CNOT8: variants seen among roughly 807,000 people sequenced by gnomAD.
CNOT8 encodes CAF1-like protein.
In CNOT8, 18 loss-of-function variants were observed where a neutral mutation model predicts 34.6. That is an observed-to-expected ratio of 0.52 (90% CI 0.36 to 0.77). CNOT8 has a LOEUF of 0.77. Ranked by LOEUF, CNOT8 falls within the 30% of genes least tolerant of loss-of-function variation. The pLI is 0.00. For missense variants in CNOT8, 189 were observed against 347.9 expected, an observed-to-expected ratio of 0.54 and a Z score of 3.63; for synonymous variants, 101 against 118.8, an observed-to-expected ratio of 0.85 and a Z score of 0.98.
At position 154,858,644 on chromosome 5, in the gene CNOT8, G is replaced by C. The variant is rs1012846917; in HGVS notation, c.-197G>C. The C allele has an allele frequency of 2.6e-5, 4 of 152,194 alleles. No individual in the cohort carries two copies. The highest frequency in any genetic ancestry group is 1.3e-4 in the Admixed American group (2 of 15,282). The allele number at this position is 152,194 out of a possible 1,614,324, so 9.4% of individuals were successfully genotyped here. On this transcript the variant is annotated 5_prime_UTR_variant, in exon 1 of 7. Transcript: ENST00000285896. ...ACTGGCTCGTTCGGTTCTAGGAGCA[G>C]ATCCGGGGTAGAGGGAAAAGAGCTC...
intron 1 of CNOT8, chr5:154,859,963 A>T (rs1454369465): frequency 6.6e-6 from 1 of 152,220 alleles, no homozygotes; most frequent in South Asian, 2.1e-4. Context: ...CCGTGAGGCA[A>T]ACATTGTATG....
chr5:154,862,845 G>A (rs1347139073), intron 1 of CNOT8, among the ~76,000 whole-genome samples: 1 of 152,080 alleles, frequency 6.6e-6, no homozygotes. Context: ...CCATGATTTG[G>A]TCTCTGTGCA....
intron 3 of CNOT8, among the ~76,000 whole-genome samples, chr5:154,865,907 G>A (rs1219583517): frequency 6.6e-6 from 1 of 152,130 alleles, no homozygotes; most frequent in Non-Finnish European, 1.5e-5. Flanking sequence ...ACCGCATTTT[G>A]TTTATTCATC....
Position 154,875,331 on chromosome 5 carries a change from G to T in CNOT8, c.771G>T (p.Gly257=), listed in dbSNP as rs1201306979. ...EDSIDDAKYC[G]RLYGLGTGVA... ...GCATTGATGATGCCAAGTACTGTGG[G>T]CGGCTCTATGGCTTAGGCACAGGAG... is the stretch of plus-strand genomic sequence containing the variant. The change falls in exon 7 of 7, where the codon GGG becomes GGT. Residue 257 remains glycine (G), a synonymous_variant. Coordinates refer to ENST00000285896, the MANE Select transcript of CNOT8 (RefSeq NM_001301073.2). 2 of 1,614,152 alleles carry T rather than the reference G, an allele frequency of 1.2e-6. No homozygotes were observed. Among genetic ancestry groups the T allele is most frequent in the South Asian group, 2.2e-5 (2 of 91,078 alleles).
rs368181033 is a variant in CNOT8, at chr5:154,870,799, T to C, written c.450T>C (p.Asn150=). The C allele has an allele frequency of 8.0e-5, 129 of 1,613,674 alleles. No individual in the cohort carries two copies. Among genetic ancestry groups the C allele is most frequent in the Non-Finnish European group, 1.0e-4 (123 of 1,179,888 alleles). The change falls in exon 4 of 7, where the codon AAT becomes AAC. Residue 150 remains asparagine, a synonymous_variant. Coordinates refer to ENST00000285896, the MANE Select transcript of CNOT8 (RefSeq NM_001301073.2). The stretch of plus-strand genomic sequence containing the variant: ...CATCAGGAGTGGTTCTCTGTGACAA[T>C]GTCAAATGGCTTTCATTTCATAGGT... ...LMTSGVVLCD[N]VKWLSFHSGY...
intron 1 of CNOT8, among the ~76,000 whole-genome samples, chr5:154,862,033 T>G (rs1005545789): frequency 2.6e-5 from 4 of 152,164 alleles, no homozygotes; most frequent in African/African-American, 9.7e-5. Flanking sequence ...TGTACGTTGT[T>G]TGCCATAATA....
intron 6 of CNOT8, among the ~76,000 whole-genome samples, chr5:154,874,411 A>G (rs1471384405): frequency 1.3e-5 from 2 of 151,960 alleles, no homozygotes; most frequent in Admixed American, 1.3e-4. Flanking sequence ...ACCTGCCTCT[A>G]TTAAAAGTAC....
intron 3 of CNOT8, among the ~76,000 whole-genome samples, chr5:154,865,764 C>T (rs779131770): frequency 6.6e-6 from 1 of 152,294 alleles, no homozygotes; most frequent in Non-Finnish European, 1.5e-5. Context: ...TCATACATTG[C>T]TGCTGGGAAT....
chr5:154,869,130 T>G (rs1381034857), intron 3 of CNOT8, among the ~76,000 whole-genome samples: 1 of 152,118 alleles, frequency 6.6e-6, no homozygotes, highest in Non-Finnish European at 1.5e-5. Context: ...GTTTATTTTT[T>G]TTTTTTGAGA....
chr5:154,861,698 T>C (rs1280106872), intron 1 of CNOT8, among the ~76,000 whole-genome samples: 1 of 152,164 alleles, frequency 6.6e-6, no homozygotes, highest in Non-Finnish European at 1.5e-5. Flanking sequence ...AGCTCTTTTT[T>C]GTTTGTTTGT....
chr5:154,868,323 C>T (rs1327326698), intron 3 of CNOT8, among the ~76,000 whole-genome samples: 1 of 139,120 alleles, frequency 7.2e-6, no homozygotes, highest in East Asian at 2.1e-4. Flanking sequence ...GGCAGGAGTG[C>T]AGTGGTGCAA....
intron 4 of CNOT8, 112 bp downstream of exon 4, chr5:154,870,934 G>T: frequency 1.1e-6 from 1 of 893,586 alleles, no homozygotes. Context: ...AGCAGCAGCA[G>T]CCAGAAGTTG....
intron 1 of CNOT8, among the ~76,000 whole-genome samples, chr5:154,860,029 T>A (rs1449170444): frequency 1.3e-5 from 2 of 152,234 alleles, no homozygotes; most frequent in Non-Finnish European, 2.9e-5. Flanking sequence ...GAGATTAGCA[T>A]CCTGTTTCTG....
intron 6 of CNOT8, 131 bp from the exon 7 acceptor site, chr5:154,875,158 CT>C (rs1490742289): frequency 2.1e-6 from 2 of 944,162 alleles, no homozygotes; most frequent in Admixed American, 2.3e-5. Flanking sequence ...CCCAAGTGAT[CT>C]GCCCGCCTCA....
At chr5:154,864,208 C>T (rs1480466281) in intron 2 of CNOT8, among the ~76,000 whole-genome samples, 2 of 152,186 alleles carry the variant, frequency 1.3e-5, no homozygotes, top group African/African-American at 2.4e-5. Context: ...CGCCTGTAAT[C>T]CCAGCACTTT....
At chr5:154,870,477 C>T in intron 3 of CNOT8, 184 bp from the exon 4 acceptor site, 1 of 424,394 alleles carries the variant, frequency 2.4e-6, no homozygotes, top group Non-Finnish European at 4.2e-6. Context: ...ATTTTTCTAT[C>T]TGTCACAGAA....
chr5:154,864,314 G>C lies in CNOT8; in HGVS notation c.118-878G>C, dbSNP rs185430263. Among the ~76,000 whole-genome samples the C allele has an allele frequency of 5.2e-3, 795 of 152,240 alleles. 1 individual carries two copies. Among genetic ancestry groups the C allele is most frequent in the Middle Eastern group, 0.02 (6 of 294 alleles). On this transcript the variant is annotated intron_variant, in intron 2 of 6. Coordinates refer to ENST00000285896, the MANE Select transcript of CNOT8 (RefSeq NM_001301073.2). ...CCTCTACTAAAAATACAAAAAATTA[G>C]CCGGGCATGGTGGTGGGCGCCTGTA...
chr5:154,864,320 C>A (rs1271689104), intron 2 of CNOT8, among the ~76,000 whole-genome samples: 1 of 152,100 alleles, frequency 6.6e-6, no homozygotes, highest in Non-Finnish European at 1.5e-5. Flanking sequence ...ATTAGCCGGG[C>A]ATGGTGGTGG....
At chr5:154,859,351 A>G (rs1045718249) in intron 1 of CNOT8, 12 of 152,086 alleles carry the variant, frequency 7.9e-5, no homozygotes, top group African/African-American at 2.9e-4. Context: ...CCTCTTCCTT[A>G]GTTCTTGCGG....
Sources: gnomAD v4.1 joint callset for allele counts (sites outside exome capture counted in the v4.1 genomes callset) on GRCh38, gnomAD v4.1.1 for gene constraint, MANE v1.5 for transcripts, NCBI Gene and HGNC (gene_info 2026-07-23, HGNC 2026-07-21) for gene names.